Variants in ACSS3 observed in about 807,000 individuals in gnomAD.
ACSS3 encodes acyl-CoA synthetase short-chain family member 3, mitochondrial.
A neutral mutation model predicts 84.2 loss-of-function variants in ACSS3; 64 were observed. That is an observed-to-expected ratio of 0.76 (90% CI 0.62 to 0.94). The LOEUF (loss-of-function observed/expected upper bound fraction) is 0.94. Ranked by LOEUF, ACSS3 falls within the 40% of genes least tolerant of loss-of-function variation. The pLI is 0.00. For missense variants in ACSS3, 815 were observed against 867.6 expected, an observed-to-expected ratio of 0.94 and a Z score of 0.76; for synonymous variants, 317 against 310.1, an observed-to-expected ratio of 1.02 and a Z score of -0.23.
rs1307138595 is a variant in ACSS3, at chr12:81,107,503, A to AATAT, written c.312-2053_312-2050dup. 5.4e-3 allele frequency among the ~76,000 whole-genome samples: 322 copies of AATAT among 59,544 alleles called. 55 individuals carry two copies. The highest frequency in any genetic ancestry group is 8.0e-3 in the South Asian group (11 of 1,376). The allele number at this position is 59,544 out of a possible 152,430, so 39.1% of individuals were successfully genotyped here. ...AGAAATGTTTTTTTTTTCAGGTACA[A>AATAT]ATATATACATATATATATATATATA... On this transcript the variant is annotated intron_variant, in intron 1 of 15. Coordinates refer to ENST00000548058, the MANE Select transcript of ACSS3 (RefSeq NM_024560.4).
chr12:81,184,620 TC>T (rs1407239001), intron 8 of ACSS3, among the ~76,000 whole-genome samples: 2 of 151,612 alleles, frequency 1.3e-5, no homozygotes, highest in African/African-American at 4.8e-5. Flanking sequence ...ATAAAGAGGA[TC>T]GTAAGGGAAT....
chr12:81,108,179 C>T (rs1883237715), intron 1 of ACSS3, among the ~76,000 whole-genome samples: 1 of 151,718 alleles, frequency 6.6e-6, no homozygotes. Flanking sequence ...ATCAAATTTG[C>T]TATTATTGAA....
chr12:81,171,019 T>A (rs1287179882), intron 7 of ACSS3, among the ~76,000 whole-genome samples: 2 of 152,132 alleles, frequency 1.3e-5, no homozygotes, highest in Admixed American at 1.3e-4. Context: ...TGAGAACATA[T>A]AAGTCCTCTG....
chr12:81,186,189 A>G (rs1347476663), intron 8 of ACSS3, among the ~76,000 whole-genome samples: 3 of 151,800 alleles, frequency 2.0e-5, no homozygotes, highest in African/African-American at 4.8e-5. Context: ...CTTAACCTAC[A>G]TTATACACAA....
intron 9 of ACSS3, among the ~76,000 whole-genome samples, chr12:81,215,025 C>T (rs1191555681): frequency 6.6e-6 from 1 of 152,174 alleles, no homozygotes; most frequent in East Asian, 1.9e-4. Flanking sequence ...AAGACTGCTT[C>T]CTGTCATCAC....
At chr12:81,134,769 T>C (rs766440769) in intron 2 of ACSS3, 47 bp from the exon 3 acceptor site, 1 of 1,407,002 alleles carries the variant, frequency 7.1e-7, no homozygotes. Flanking sequence ...AGAAGTTTGG[T>C]GAAATAATAC....
intron 5 of ACSS3, among the ~76,000 whole-genome samples, chr12:81,149,430 T>A (rs1459716711): frequency 6.6e-6 from 1 of 152,208 alleles, no homozygotes; most frequent in Admixed American, 6.5e-5. Context: ...GAAATTCTCT[T>A]GAAATGTAAC....
intron 1 of ACSS3, among the ~76,000 whole-genome samples, chr12:81,098,721 A>T (rs1014036338): frequency 2.0e-5 from 3 of 152,274 alleles, no homozygotes; most frequent in Admixed American, 2.0e-4. Flanking sequence ...CTAGCAAATG[A>T]CATGGCTAAG....
chr12:81,120,992 A>G (rs1303483535), intron 2 of ACSS3, among the ~76,000 whole-genome samples: 3 of 152,172 alleles, frequency 2.0e-5, no homozygotes, highest in African/African-American at 7.2e-5. Flanking sequence ...TAGTGTATGC[A>G]CTGTATTTGT....
chr12:81,145,598 G>T (rs1164139264), intron 5 of ACSS3, among the ~76,000 whole-genome samples: 2 of 152,182 alleles, frequency 1.3e-5, no homozygotes, highest in Non-Finnish European at 2.9e-5. Flanking sequence ...CTTTACATAG[G>T]ACAGCATGCT....
intron 11 of ACSS3, among the ~76,000 whole-genome samples, chr12:81,228,146 T>C (rs1355757726): frequency 6.6e-6 from 1 of 151,912 alleles, no homozygotes; most frequent in African/African-American, 2.4e-5. Flanking sequence ...GGCTTTTCAT[T>C]GAACAGAGGT....
chr12:81,164,670 C>A (rs1887316847), intron 7 of ACSS3, among the ~76,000 whole-genome samples: 1 of 152,164 alleles, frequency 6.6e-6, no homozygotes, highest in Admixed American at 6.5e-5. Flanking sequence ...TCATCCTATA[C>A]TGTATTTTTC....
intron 8 of ACSS3, among the ~76,000 whole-genome samples, chr12:81,175,633 T>A (rs1023343657): frequency 1.3e-5 from 2 of 151,438 alleles, no homozygotes; most frequent in African/African-American, 2.4e-5. Flanking sequence ...CTCAACAAAT[T>A]AAAAAAACAT....
chr12:81,221,988 C>T (rs999141179), intron 11 of ACSS3, among the ~76,000 whole-genome samples: 1 of 152,014 alleles, frequency 6.6e-6, no homozygotes, highest in Admixed American at 6.6e-5. Context: ...GGCTGCTTCA[C>T]CCCACATCCA....
chr12:81,215,170 G>A (rs2032860065), intron 9 of ACSS3, among the ~76,000 whole-genome samples: 2 of 152,118 alleles, frequency 1.3e-5, no homozygotes, highest in Non-Finnish European at 2.9e-5. Context: ...ATTATGCTGT[G>A]GGGAAAATCG....
rs1333319335 is a variant in ACSS3 at position 81,078,104 on chromosome 12, G to C, written c.-17G>C. The C allele has an allele frequency of 6.8e-7, 1 of 1,461,734 alleles. No individual in the cohort carries two copies. Among genetic ancestry groups the C allele is most frequent in the Non-Finnish European group, 9.0e-7 (1 of 1,108,498 alleles). The allele number at this position is 1,461,734 out of a possible 1,614,324, so 90.5% of individuals were successfully genotyped here. On this transcript the variant is annotated 5_prime_UTR_variant, in exon 1 of 16. Coordinates refer to ENST00000548058, the MANE Select transcript of ACSS3 (RefSeq NM_024560.4). ...ACCATTTGTCGCACACTCGGGGACCGCGGGTGGCCGGAGGAGATGAAACCG... is the reference window on the plus strand; with the variant it reads ...ACCATTTGTCGCACACTCGGGGACCCCGGGTGGCCGGAGGAGATGAAACCG...
At chr12:81,224,010 G>A (rs2033192908) in intron 11 of ACSS3, among the ~76,000 whole-genome samples, 1 of 151,960 alleles carries the variant, frequency 6.6e-6, no homozygotes. Context: ...CCACATGGCT[G>A]TCACTGCTGC....
chr12:81,210,499 A>G (rs116876483), intron 9 of ACSS3, among the ~76,000 whole-genome samples: 2,885 of 150,594 alleles, frequency 0.019, 44 homozygotes, highest in Middle Eastern at 0.056. Flanking sequence ...TAGCAAAATA[A>G]GTAAAAACTA....
At chr12:81,118,223 A>G (rs1884218220) in intron 2 of ACSS3, among the ~76,000 whole-genome samples, 1 of 152,228 alleles carries the variant, frequency 6.6e-6, no homozygotes, top group South Asian at 2.1e-4. Flanking sequence ...CTGCTAAAAT[A>G]AGGACGTGCA....
Sources: gnomAD v4.1 joint callset for allele counts (sites outside exome capture counted in the v4.1 genomes callset) on GRCh38, gnomAD v4.1.1 for gene constraint, MANE v1.5 for transcripts, NCBI Gene and HGNC (gene_info 2026-07-23, HGNC 2026-07-21) for gene names.